Variants in NXPE2 observed in about 807,000 individuals in gnomAD.
The protein encoded by NXPE2 is NXPE family member 2.
A neutral mutation model predicts 34.4 loss-of-function variants in NXPE2; 34 were observed. That is an observed-to-expected ratio of 0.99 (90% CI 0.75 to 1.31). NXPE2 has a LOEUF of 1.31. Among genes scored for constraint, NXPE2 ranks in the 40% most tolerant of loss-of-function variants. The probability of loss-of-function intolerance (pLI) is 0.00; values close to 1 mark genes in which losing one functional copy is unlikely to be tolerated. For synonymous variants in NXPE2, 235 were observed against 231.3 expected, an observed-to-expected ratio of 1.02 and a Z score of -0.15; for missense variants, 649 against 672.5, an observed-to-expected ratio of 0.97 and a Z score of 0.39.
At chr11:114,786,502 T>A in the NXPE2 span, among the ~76,000 whole-genome samples, 1 of 152,156 alleles carries the variant, frequency 6.6e-6, no homozygotes, top group Non-Finnish European at 1.5e-5. Flanking sequence ...TTAATATCAG[T>A]AGAATGCCAG....
chr11:114,589,443 A>G, the NXPE2 span, among the ~76,000 whole-genome samples: 1 of 152,160 alleles, frequency 6.6e-6, no homozygotes, highest in African/African-American at 2.4e-5. Context: ...GGGGTGTCTC[A>G]TAAACACTCT....
chr11:114,733,673 T>G, the NXPE2 span, among the ~76,000 whole-genome samples: 5 of 152,220 alleles, frequency 3.3e-5, no homozygotes, highest in Admixed American at 2.6e-4. Flanking sequence ...GCTGGCTGCT[T>G]CTTGATACAA....
chr11:114,778,939 T>C, the NXPE2 span, among the ~76,000 whole-genome samples: 2 of 152,240 alleles, frequency 1.3e-5, no homozygotes, highest in Non-Finnish European at 2.9e-5. Context: ...AAGTTCTTAA[T>C]TGAACCTAGG....
chr11:114,516,257 C>T, the NXPE2 span, among the ~76,000 whole-genome samples: 1 of 152,130 alleles, frequency 6.6e-6, no homozygotes, highest in Non-Finnish European at 1.5e-5. Flanking sequence ...TGGACCAGAT[C>T]TGTCTTATAC....
the NXPE2 span, chr11:114,582,662 T>C: frequency 5.6e-6 from 9 of 1,614,130 alleles, 1 homozygote; most frequent in South Asian, 9.9e-5. Flanking sequence ...TCACCTTTCC[T>C]GAAGCACCTG....
intron 2 of NXPE2, among the ~76,000 whole-genome samples, chr11:114,685,949 T>G (rs61906862): frequency 0.011 from 1,633 of 152,146 alleles, 7 homozygotes; most frequent in Non-Finnish European, 0.017. Flanking sequence ...AAAGTAAGCT[T>G]GGTTAAAAAA....
the NXPE2 span, among the ~76,000 whole-genome samples, chr11:114,538,584 A>C: frequency 6.6e-6 from 1 of 152,194 alleles, no homozygotes; most frequent in Non-Finnish European, 1.5e-5. Context: ...AATTTATAAG[A>C]AAAAAACAAA....
the NXPE2 span, among the ~76,000 whole-genome samples, chr11:114,478,030 G>C: frequency 2.0e-5 from 3 of 152,032 alleles, no homozygotes; most frequent in Non-Finnish European, 2.9e-5. Flanking sequence ...ATGGACTAGA[G>C]TTCCTGCTAT....
the NXPE2 span, among the ~76,000 whole-genome samples, chr11:114,628,959 A>G: frequency 1.3e-5 from 2 of 152,198 alleles, no homozygotes; most frequent in East Asian, 3.9e-4. Context: ...ACACCCTCCC[A>G]AGACTAAACA....
chr11:114,731,149 T>A, the NXPE2 span, among the ~76,000 whole-genome samples: 2,298 of 152,290 alleles, frequency 0.015, 50 homozygotes, highest in African/African-American at 0.053. Context: ...TCTATTGAGA[T>A]GAACATAAGG....
intron 4 of NXPE2, 24 bp downstream of exon 4, chr11:114,704,076 G>T (rs779187274): frequency 5.3e-6 from 8 of 1,505,566 alleles, no homozygotes; most frequent in Admixed American, 2.0e-5. Flanking sequence ...GTTGTTGTCT[G>T]CCATGATCAC....
the NXPE2 span, among the ~76,000 whole-genome samples, chr11:114,506,321 A>G: frequency 6.6e-6 from 1 of 152,200 alleles, no homozygotes; most frequent in Non-Finnish European, 1.5e-5. Flanking sequence ...TAGACAGATC[A>G]TTAAGACAGA....
the NXPE2 span, among the ~76,000 whole-genome samples, chr11:114,640,156 A>G: frequency 3.3e-4 from 23 of 70,694 alleles, no homozygotes; most frequent in African/African-American, 1.5e-3. Context: ...ATGATATATT[A>G]ATAATATATA....
chr11:114,753,967 G>A, the NXPE2 span, among the ~76,000 whole-genome samples: 1 of 148,124 alleles, frequency 6.8e-6, no homozygotes, highest in African/African-American at 2.4e-5. Flanking sequence ...GCAGTGAAGG[G>A]CATTTGTCCA....
At chr11:114,472,390 TAA>T in the NXPE2 span, among the ~76,000 whole-genome samples, 3 of 150,676 alleles carry the variant, frequency 2.0e-5, no homozygotes, top group Admixed American at 6.6e-5. Context: ...GCTGAGGAGC[TAA>T]AAAAAAAATC....
At chr11:114,695,775 G>A (rs1470853341) in intron 2 of NXPE2, among the ~76,000 whole-genome samples, 11 of 151,040 alleles carry the variant, frequency 7.3e-5, no homozygotes, top group East Asian at 2.0e-4. Flanking sequence ...GGCGGATCAC[G>A]AAGTCAGAAG....
At chr11:114,675,503 C>T (rs185159419), upstream of NXPE2, among the ~76,000 whole-genome samples, 3 of 151,546 alleles carry the variant, frequency 2.0e-5, no homozygotes, top group African/African-American at 4.8e-5. Flanking sequence ...ATTTTCTATA[C>T]GCTAACAATA....
At chr11:114,622,480 G>C in the NXPE2 span, among the ~76,000 whole-genome samples, 1 of 151,812 alleles carries the variant, frequency 6.6e-6, no homozygotes, top group African/African-American at 2.4e-5. Flanking sequence ...TTGCCTCATG[G>C]ATAACCACTG....
At chr11:114,516,700 G>A in the NXPE2 span, among the ~76,000 whole-genome samples, 2 of 152,050 alleles carry the variant, frequency 1.3e-5, no homozygotes, top group African/African-American at 2.4e-5. Flanking sequence ...AAGAGCACAC[G>A]CAAGGAGAGG....
Sources: gnomAD v4.1 joint callset for allele counts (sites outside exome capture counted in the v4.1 genomes callset) on GRCh38, gnomAD v4.1.1 for gene constraint, MANE v1.5 for transcripts, NCBI Gene and HGNC (gene_info 2026-07-23, HGNC 2026-07-21) for gene names.